Variants in GPR155 observed in about 807,000 individuals in gnomAD.
GPR155 encodes lysosomal cholesterol signaling protein.
Under a neutral mutation model 93.1 loss-of-function variants are expected in GPR155, and 65 were observed. The observed-to-expected ratio is 0.70, with a 90% CI of 0.57 to 0.86. GPR155 has a LOEUF of 0.86. Ranked by LOEUF, GPR155 falls within the 40% of genes least tolerant of loss-of-function variation. GPR155 has a pLI of 0.00. For synonymous variants in GPR155, 319 were observed against 360.1 expected (o/e 0.89, Z 1.29); for missense variants, 838 against 1,034.8 (o/e 0.81, Z 2.61).
At chr2:174,471,867 CTT>C (rs1688008406) in intron 3 of GPR155, among the ~76,000 whole-genome samples, 1 of 152,268 alleles carries the variant, frequency 6.6e-6, no homozygotes, top group South Asian at 2.1e-4. Context: ...AATACTAATA[CTT>C]TGTTTCTGAA....
At chr2:174,444,140 G>C (rs563403135) in intron 13 of GPR155, among the ~76,000 whole-genome samples, 1 of 152,212 alleles carries the variant, frequency 6.6e-6, no homozygotes, top group East Asian at 1.9e-4. Flanking sequence ...GAGATGGCCG[G>C]GTGTGGTGGC....
intron 10 of GPR155, among the ~76,000 whole-genome samples, chr2:174,457,258 G>A (rs1359236043): frequency 2.6e-5 from 4 of 152,224 alleles, no homozygotes; most frequent in Non-Finnish European, 5.9e-5. Flanking sequence ...GCTGCAGTGT[G>A]CCAAGACTGC....
At chr2:174,449,661 A>G (rs937051917) in intron 11 of GPR155, among the ~76,000 whole-genome samples, 1 of 152,168 alleles carries the variant, frequency 6.6e-6, no homozygotes, top group Admixed American at 6.5e-5. Context: ...CCTGGGCAAC[A>G]TGGCGAAACC....
intron 11 of GPR155, among the ~76,000 whole-genome samples, chr2:174,447,549 A>G (rs1687177451): frequency 6.8e-6 from 1 of 146,034 alleles, no homozygotes; most frequent in African/African-American, 2.5e-5. Context: ...ATTTGTGCAT[A>G]TTATATAAAT....
intron 4 of GPR155, among the ~76,000 whole-genome samples, chr2:174,469,893 G>A (rs1018774976): frequency 2.0e-5 from 3 of 152,158 alleles, no homozygotes; most frequent in Non-Finnish European, 4.4e-5. Flanking sequence ...AATGCTGCTT[G>A]CTCTGTCACC....
chr2:174,453,659 CAAAAAAAAGAA>C (rs1255281296), intron 11 of GPR155, 67 bp downstream of exon 11: 11 of 431,650 alleles, frequency 2.5e-5, no homozygotes, highest in African/African-American at 6.0e-5. Flanking sequence ...GACTCCGTCT[CAAAAAAAAGAA>C]AAAAAAAAAA....
chr2:174,453,667 AG>A (rs373049368), intron 11 of GPR155, 69 bp downstream of exon 11: 11,611 of 520,368 alleles, frequency 0.022, 635 homozygotes, highest in African/African-American at 0.095. Flanking sequence ...CTCAAAAAAA[AG>A]AAAAAAAAAA....
chr2:174,484,492 C>T (rs938086738), intron 1 of GPR155, among the ~76,000 whole-genome samples: 3 of 152,168 alleles, frequency 2.0e-5, no homozygotes, highest in African/African-American at 7.2e-5. Context: ...TCAAGGCATT[C>T]CAATAATATT....
intron 5 of GPR155, among the ~76,000 whole-genome samples, chr2:174,468,568 A>T (rs1202460997): frequency 6.6e-6 from 1 of 152,198 alleles, no homozygotes; most frequent in Non-Finnish European, 1.5e-5. Flanking sequence ...GTAACCCCTT[A>T]AAAAACCCAT....
At chr2:174,447,954 C>T (rs1232625082) in intron 11 of GPR155, among the ~76,000 whole-genome samples, 1 of 151,542 alleles carries the variant, frequency 6.6e-6, no homozygotes, top group Non-Finnish European at 1.5e-5. Context: ...GTCATGAATA[C>T]CCTATTTTGG....
At chr2:174,479,626 C>T (rs1688263730) in intron 2 of GPR155, among the ~76,000 whole-genome samples, 2 of 152,170 alleles carry the variant, frequency 1.3e-5, no homozygotes. Flanking sequence ...TCATTATCGG[C>T]TCACTAATCT....
chr2:174,481,776 T>C lies in GPR155; in HGVS notation c.181A>G (p.Arg61Gly). The C allele has an allele frequency of 6.2e-7, 1 of 1,614,240 alleles. No individual in the cohort carries two copies. Among genetic ancestry groups the C allele is most frequent in the Non-Finnish European group, 8.5e-7 (1 of 1,180,038 alleles). ...TGGGTTGATGTTATGACATTGGCCC[T>C]TCCTGCTATGTAGCCACAAAGGACA... ...GIVLCGYIAG[R>G]ANVITSTQAK... The change falls in exon 2 of 16, where the codon AGG becomes GGG. Residue 61 changes from arginine (R) to glycine (G), a missense_variant. This residue lies in a region of GPR155 where 663 missense variants were observed against 790.1 expected (regional missense o/e 0.84). Transcript: ENST00000392552.
intron 12 of GPR155, among the ~76,000 whole-genome samples, chr2:174,446,318 AAAT>A (rs1227693706): frequency 4.7e-3 from 7 of 1,502 alleles, no homozygotes; most frequent in African/African-American, 0.011. Context: ...AAAAAAAAAA[AAAT>A]AAAAAATAAA....
chr2:174,438,351 C>T (rs1250414631), intron 15 of GPR155, among the ~76,000 whole-genome samples: 5 of 152,224 alleles, frequency 3.3e-5, no homozygotes, highest in Non-Finnish European at 4.4e-5. Flanking sequence ...CGCTCCCAGC[C>T]AGTGTCCATT....
chr2:174,483,843 C>G (rs1310946825), intron 1 of GPR155, among the ~76,000 whole-genome samples: 1 of 152,052 alleles, frequency 6.6e-6, no homozygotes, highest in African/African-American at 2.4e-5. Context: ...CCTCGGCCTC[C>G]CAAAATGCTG....
intron 4 of GPR155, 117 bp downstream of exon 4, chr2:174,470,273 A>AC: frequency 1.3e-6 from 1 of 790,978 alleles, no homozygotes; most frequent in Non-Finnish European, 1.9e-6. Flanking sequence ...ACATAGTGAG[A>AC]CCCCCGTCGT....
chr2:174,442,182 C>A lies in GPR155; in HGVS notation c.2111G>T (p.Gly704Val). The A allele has an allele frequency of 7.5e-7, 1 of 1,336,682 alleles. No individual in the cohort carries two copies. The highest frequency in any genetic ancestry group is 1.2e-5 in the South Asian group (1 of 85,274). 82.8% of individuals were successfully genotyped at this position (1,336,682 alleles called of 1,614,324 possible). A position where few individuals can be genotyped will look rare whatever the true frequency, so the allele number is the denominator to read the frequency against. ...FFCAVFNFGQGFISFGIFGLD... is the reference protein window; with the variant it reads ...FFCAVFNFGQVFISFGIFGLD... ...TCCAAAGATTCCAAAGGAAATAAATCCCTAGGGAAGAAAACAAAGTTATTT... is the reference window on the plus strand; with the variant it reads ...TCCAAAGATTCCAAAGGAAATAAATACCTAGGGAAGAAAACAAAGTTATTT... The change falls in exon 14 of 16, where the codon GGA becomes GTA. Residue 704 changes from glycine (G) to valine (V), a missense_variant and splice_region_variant. Around this residue, in one of 3 missense-constraint regions of GPR155, gnomAD observed 29 missense variants for 67.1 expected, o/e 0.43. Coordinates refer to ENST00000392552, the MANE Select transcript of GPR155 (RefSeq NM_152529.7).
chr2:174,448,128 C>A (rs1179407332), intron 11 of GPR155, among the ~76,000 whole-genome samples: 2 of 152,128 alleles, frequency 1.3e-5, no homozygotes, highest in East Asian at 3.9e-4. Flanking sequence ...GTAATCCTAG[C>A]AATTTGGGAG....
At chr2:174,468,120 C>T (rs1687893669) in intron 5 of GPR155, among the ~76,000 whole-genome samples, 1 of 152,172 alleles carries the variant, frequency 6.6e-6, no homozygotes, top group Admixed American at 6.5e-5. Context: ...CTTCTTTCCT[C>T]ATTGCCAACT....
Sources: gnomAD v4.1 joint callset for allele counts (sites outside exome capture counted in the v4.1 genomes callset) on GRCh38, gnomAD v4.1.1 for gene constraint, gnomAD v4.1.1 regional missense constraint, MANE v1.5 for transcripts, NCBI Gene and HGNC (gene_info 2026-07-23, HGNC 2026-07-21) for gene names.